The following TLL1 variants were observed in gnomAD, a reference collection of about 807,000 sequenced individuals.
TLL1 encodes tolloid-like protein 1.
Under a neutral mutation model 128.2 loss-of-function variants are expected in TLL1, and 49 were observed. The observed-to-expected ratio is 0.38, with a 90% CI of 0.30 to 0.48. The LOEUF (loss-of-function observed/expected upper bound fraction) is 0.48. Ranked by LOEUF, TLL1 falls within the 20% of genes least tolerant of loss-of-function variation. The pLI, the probability that TLL1 is intolerant of heterozygous loss-of-function variation, is 0.96. For missense variants in TLL1, 1,123 were observed against 1,242.0 expected, an observed-to-expected ratio of 0.90 and a Z score of 1.44; for synonymous variants, 454 against 418.8, an observed-to-expected ratio of 1.08 and a Z score of -1.03.
intron 1 of TLL1, among the ~76,000 whole-genome samples, chr4:165,950,230 GT>G (rs898818590): frequency 2.6e-5 from 4 of 152,106 alleles, no homozygotes; most frequent in East Asian, 3.9e-4. Context: ...ATTTATATAG[GT>G]TTTTTTGTTT....
At chr4:165,921,209 A>G (rs1029153149) in intron 1 of TLL1, among the ~76,000 whole-genome samples, 6 of 152,242 alleles carry the variant, frequency 3.9e-5, no homozygotes, top group Admixed American at 3.9e-4. Flanking sequence ...AAGTATAACA[A>G]GCTAAATAAA....
intron 1 of TLL1, among the ~76,000 whole-genome samples, chr4:165,927,951 A>T (rs1733348797): frequency 6.6e-6 from 1 of 150,898 alleles, no homozygotes; most frequent in Non-Finnish European, 1.5e-5. Flanking sequence ...CCTTCCTCTT[A>T]GTTAAATAGG....
At chr4:165,920,910 C>T (rs1271481960) in intron 1 of TLL1, among the ~76,000 whole-genome samples, 2 of 152,108 alleles carry the variant, frequency 1.3e-5, no homozygotes, top group Non-Finnish European at 2.9e-5. Flanking sequence ...TGGCTTAGAT[C>T]CAACTTAGAT....
In TLL1 at chr4:166,084,945, T is replaced by G. The variant is rs143945118; in HGVS notation, c.2443-6183T>G. Among the ~76,000 whole-genome samples, 513 of 152,178 alleles carry G rather than the reference T, an allele frequency of 3.4e-3. 4 individuals carry two copies. Among genetic ancestry groups the G allele is most frequent in the African/African-American group, 0.012 (493 of 41,560 alleles). On this transcript the variant is annotated intron_variant, in intron 18 of 20. Transcript: ENST00000061240. ...TTCTATTCCTGTGAAAAAATGTTAT[T>G]TGTGTTTTCTTTCATCAATGTTTTA...
intron 2 of TLL1, 127 bp downstream of exon 2, chr4:165,989,618 A>G (rs1237859732): frequency 6.0e-6 from 4 of 670,976 alleles, no homozygotes; most frequent in East Asian, 2.7e-5. Flanking sequence ...ACACAAATAT[A>G]CATATTTAGA....
intron 2 of TLL1, among the ~76,000 whole-genome samples, chr4:165,991,203 A>G (rs1181323375): frequency 6.6e-6 from 1 of 151,876 alleles, no homozygotes; most frequent in African/African-American, 2.4e-5. Flanking sequence ...TTTATTGTTA[A>G]ACTCTGAGAC....
chr4:165,875,000 C>G (rs906638471), intron 1 of TLL1: 1 of 152,612 alleles, frequency 6.6e-6, no homozygotes, highest in Middle Eastern at 3.4e-3. Context: ...CTCCTGGTTC[C>G]TTGCTCTATT....
chr4:166,074,849 C>G lies in TLL1; in HGVS notation c.2189-29C>G, dbSNP rs142096058. The G allele has an allele frequency of 1.5e-3, 2,424 of 1,611,708 alleles. 1 individual carries two copies. Among genetic ancestry groups the G allele is most frequent in the Non-Finnish European group, 1.9e-3 (2,268 of 1,178,582 alleles). ...TATCCTCTGTTTTTAAAGTTACTTA[C>G]TAGACTATGGGATTGATCTCTTTGC... On this transcript the variant is annotated intron_variant, in intron 16 of 20. Coordinates refer to ENST00000061240, the MANE Select transcript of TLL1 (RefSeq NM_012464.5).
intron 1 of TLL1, among the ~76,000 whole-genome samples, chr4:165,894,292 A>T (rs1313095419): frequency 6.6e-6 from 1 of 152,194 alleles, no homozygotes; most frequent in Admixed American, 6.5e-5. Context: ...AGTGATAAAG[A>T]GAAAATATTA....
chr4:166,050,776 G>A (rs1739682730), intron 12 of TLL1, among the ~76,000 whole-genome samples: 2 of 152,116 alleles, frequency 1.3e-5, no homozygotes, highest in South Asian at 4.1e-4. Flanking sequence ...AGAATGAGAG[G>A]TTGACCACTT....
chr4:166,076,601 G>A (rs770659443), intron 17 of TLL1, among the ~76,000 whole-genome samples: 12 of 152,010 alleles, frequency 7.9e-5, no homozygotes, highest in African/African-American at 1.4e-4. Flanking sequence ...CCTTCACTAC[G>A]GTACATGCTC....
chr4:166,060,105 A>G lies in TLL1; in HGVS notation c.1924A>G (p.Lys642Glu). Reference sequence around the variant, plus strand: ...CTGGCCCAAGGAGTACCCTCCTAATAAGAACTGTGTGTGGCAAGTGGTTGC... The same window carrying G: ...CTGGCCCAAGGAGTACCCTCCTAATGAGAACTGTGTGTGGCAAGTGGTTGC... Reference protein sequence around the residue: ...PGWPKEYPPNKNCVWQVVAPT... With the variant: ...PGWPKEYPPNENCVWQVVAPT... The change falls in exon 15 of 21, where the codon AAG becomes GAG. Residue 642 changes from lysine to glutamate, a missense_variant. By Grantham distance (56) the Lys-to-Glu change is moderately conservative. Transcript: ENST00000061240. 1 of 1,613,838 alleles carries G rather than the reference A, an allele frequency of 6.2e-7. No homozygotes were observed. Among genetic ancestry groups the G allele is most frequent in the Non-Finnish European group, 8.5e-7 (1 of 1,179,890 alleles).
chr4:165,899,471 C>T (rs540639143), intron 1 of TLL1, among the ~76,000 whole-genome samples: 35 of 152,190 alleles, frequency 2.3e-4, no homozygotes, highest in South Asian at 1.2e-3. Flanking sequence ...GCCTTAATTT[C>T]GTTATTTACC....
At chr4:166,077,230 A>T (rs1335069100) in intron 17 of TLL1, among the ~76,000 whole-genome samples, 8 of 27,852 alleles carry the variant, frequency 2.9e-4, no homozygotes, top group Admixed American at 1.9e-3. Flanking sequence ...TTTTAATTGT[A>T]AAAAAAAAAA....
At chr4:166,024,122 C>G (rs567944011) in intron 8 of TLL1, among the ~76,000 whole-genome samples, 1 of 152,108 alleles carries the variant, frequency 6.6e-6, no homozygotes, top group Non-Finnish European at 1.5e-5. Context: ...GCTTTGTTGT[C>G]CCAAAGTTGC....
intron 19 of TLL1, among the ~76,000 whole-genome samples, chr4:166,097,550 G>T (rs745741681): frequency 4.6e-5 from 7 of 152,218 alleles, no homozygotes; most frequent in Admixed American, 6.5e-5. Flanking sequence ...ATTTGCTGTT[G>T]TTTATGACAA....
chr4:166,074,511 T>C (rs980650730), intron 16 of TLL1, among the ~76,000 whole-genome samples: 5 of 152,030 alleles, frequency 3.3e-5, no homozygotes, highest in East Asian at 1.9e-4. Flanking sequence ...ATTCAAACTA[T>C]GCACAATTTT....
intron 1 of TLL1, among the ~76,000 whole-genome samples, chr4:165,887,466 G>T (rs951115645): frequency 6.6e-6 from 1 of 152,142 alleles, no homozygotes. Flanking sequence ...TGACTTCATG[G>T]CTTCATACTT....
Position 165,964,520 on chromosome 4 carries a change from G to A in TLL1, c.170-24861G>A, listed in dbSNP as rs76996657. Among the ~76,000 whole-genome samples, 83 of 152,288 alleles carry A rather than the reference G, an allele frequency of 5.5e-4. No homozygotes were observed. In the East Asian group the frequency reaches 0.016, roughly 29 times the overall value. On this transcript the variant is annotated intron_variant, in intron 1 of 20. Transcript: ENST00000061240. The stretch of plus-strand genomic sequence containing the variant: ...AGATCTGGGTTCCTCCAGCCTTGAT[G>A]TTTGAGATGTAACTCTGGATAGTTA...
Sources: gnomAD v4.1 joint callset for allele counts (sites outside exome capture counted in the v4.1 genomes callset) on GRCh38, gnomAD v4.1.1 for gene constraint, MANE v1.5 for transcripts, NCBI Gene and HGNC (gene_info 2026-07-23, HGNC 2026-07-21) for gene names.